Variants in SEC62 observed in about 807,000 individuals in gnomAD.
The protein encoded by SEC62 is SEC62 preprotein translocation factor.
SEC62 carries 10 observed loss-of-function variants against 47.5 expected under a neutral mutation model. The observed-to-expected ratio is 0.21, with a 90% CI of 0.13 to 0.36. SEC62 has a LOEUF of 0.36. Among genes scored for constraint, SEC62 ranks in the 10% least tolerant of loss-of-function variants. The pLI, the probability that SEC62 is intolerant of heterozygous loss-of-function variation, is 1.00. For synonymous variants in SEC62, 136 were observed against 150.5 expected, an observed-to-expected ratio of 0.90 and a Z score of 0.71; for missense variants, 327 against 464.1, an observed-to-expected ratio of 0.70 and a Z score of 2.71.
In SEC62 at chr3:169,992,855, G is replaced by C; in HGVS notation, c.992G>C (p.Gly331Ala). ...GGGAAAGTAGGACCAGGAAATCATG[G>C]AACAGAAGGCTCGGGGGGAGAACGG... is the stretch of plus-strand genomic sequence containing the variant. ...EEGKVGPGNH[G>A]TEGSGGERHS... The change falls in exon 8 of 8, where the codon GGA (glycine) becomes GCA (alanine). Residue 331 changes from glycine to alanine, a missense_variant. Coordinates refer to ENST00000337002, the MANE Select transcript of SEC62 (RefSeq NM_003262.4). The surrounding 1 kb of genome is among the most constrained non-coding windows in gnomAD (Gnocchi z 4.0). 6.2e-7 allele frequency: 1 copy of C among 1,614,086 alleles called. No individual in the cohort carries two copies. The highest frequency in any genetic ancestry group is 8.5e-7 in the Non-Finnish European group (1 of 1,180,012).
At chr3:169,971,046 A>G (rs929960081) in intron 1 of SEC62, among the ~76,000 whole-genome samples, 1 of 149,528 alleles carries the variant, frequency 6.7e-6, no homozygotes, top group Non-Finnish European at 1.5e-5. Flanking sequence ...AATCCCAACT[A>G]TCTGTTCATG....
chr3:169,987,400 C>CA, intron 6 of SEC62, among the ~76,000 whole-genome samples: 1 of 152,160 alleles, frequency 6.6e-6, no homozygotes, highest in South Asian at 2.1e-4. Flanking sequence ...GCCTGGGTGA[C>CA]AGAGTAAGAC....
intron 3 of SEC62, among the ~76,000 whole-genome samples, chr3:169,981,256 A>G (rs1207868503): frequency 6.6e-6 from 1 of 152,250 alleles, no homozygotes; most frequent in East Asian, 1.9e-4. Context: ...AATAAGTAGT[A>G]TGGGCCAAAT....
intron 3 of SEC62, among the ~76,000 whole-genome samples, chr3:169,980,190 A>T (rs2108283628): frequency 6.6e-6 from 1 of 152,288 alleles, no homozygotes; most frequent in Non-Finnish European, 1.5e-5. Flanking sequence ...GAAGAGAGAG[A>T]TGGTGAAACT....
chr3:169,981,207 G>A (rs1049147794), intron 3 of SEC62, among the ~76,000 whole-genome samples: 1 of 152,136 alleles, frequency 6.6e-6, no homozygotes, highest in African/African-American at 2.4e-5. Flanking sequence ...ACAATTATAT[G>A]CACAATCATA....
In SEC62 at chr3:169,988,281, G is replaced by A; in HGVS notation, c.652G>A (p.Ala218Thr). ...GGCCACCCTCTTCCCCCTTTGGCCA[G>A]CAGAAATGAGAGTAGGTGTTTATTA... ...IAATLFPLWP[A>T]EMRVGVYYLS... Residue 218 changes from alanine to threonine, a missense_variant, in exon 7 of 8, where the codon GCA (alanine) becomes ACA (threonine). By Grantham distance (58) the Ala-to-Thr change is moderately conservative (BLOSUM62 0). This residue lies in a region of SEC62 where 99 missense variants were observed against 194.0 expected (regional missense o/e 0.51). Transcript: ENST00000337002. 2 of 1,613,984 alleles carry A rather than the reference G, an allele frequency of 1.2e-6. No homozygotes were observed. Among genetic ancestry groups the A allele is most frequent in the South Asian group, 2.2e-5 (2 of 91,074 alleles).
chr3:169,978,649 C>T (rs1447924275), intron 3 of SEC62: 2 of 152,194 alleles, frequency 1.3e-5, no homozygotes, highest in South Asian at 2.1e-4. Flanking sequence ...TAGCTTCAGC[C>T]CGGGAGGTGG....
At chr3:169,990,050 GAT>G (rs1715207580) in intron 7 of SEC62, among the ~76,000 whole-genome samples, 1 of 146,888 alleles carries the variant, frequency 6.8e-6, no homozygotes, top group Non-Finnish European at 1.5e-5. Flanking sequence ...TATATCATAT[GAT>G]ATGTCATATA....
intron 7 of SEC62, among the ~76,000 whole-genome samples, chr3:169,990,828 A>C (rs962439327): frequency 2.0e-5 from 3 of 152,238 alleles, no homozygotes; most frequent in African/African-American, 7.2e-5. Flanking sequence ...CTATTTTTAA[A>C]AGTCAAGACA....
Position 169,995,152 on chromosome 3 carries a change from G to A in SEC62, c.*2089G>A, listed in dbSNP as rs1265198791. 6.6e-6 allele frequency: 1 copy of A among 152,158 alleles called. No homozygotes were observed. Among genetic ancestry groups the A allele is most frequent in the African/African-American group, 2.4e-5 (1 of 41,442 alleles). The allele number at this position is 152,158 out of a possible 1,614,324, so 9.4% of individuals were successfully genotyped here. A position where few individuals can be genotyped will look rare whatever the true frequency, so the allele number is the denominator to read the frequency against. The stretch of plus-strand genomic sequence containing the variant: ...GCTAACATTAAATATTCTTGTACCA[G>A]AGCATGGAAAATCGTTTATAATTGT... On this transcript the variant is annotated 3_prime_UTR_variant, in exon 8 of 8. Coordinates refer to ENST00000337002, the MANE Select transcript of SEC62 (RefSeq NM_003262.4).
chr3:169,995,279 A>G lies in SEC62; in HGVS notation c.*2216A>G, dbSNP rs1286542350. The G allele has an allele frequency of 6.6e-6, 1 of 152,190 alleles. No individual in the cohort carries two copies. The highest frequency in any genetic ancestry group is 1.5e-5 in the Non-Finnish European group (1 of 68,012). 9.4% of individuals were successfully genotyped at this position (152,190 alleles called of 1,614,324 possible). A position where few individuals can be genotyped will look rare whatever the true frequency, so the allele number is the denominator to read the frequency against. ...TCATGTAGGGCTTATTGTAGAGGGTATCAATTGGCCTAACTAAGCAGGATT... is the reference window on the plus strand; with the variant it reads ...TCATGTAGGGCTTATTGTAGAGGGTGTCAATTGGCCTAACTAAGCAGGATT... On this transcript the variant is annotated 3_prime_UTR_variant, in exon 8 of 8. Transcript: ENST00000337002.
At position 169,998,246 on chromosome 3, in the gene SEC62, G is replaced by T. The variant is rs928236082; in HGVS notation, c.*5183G>T. The T allele has an allele frequency of 6.6e-6, 1 of 152,044 alleles. No homozygotes were observed. Among genetic ancestry groups the T allele is most frequent in the African/African-American group, 2.4e-5 (1 of 41,390 alleles). The allele number at this position is 152,044 out of a possible 1,614,324, so 9.4% of individuals were successfully genotyped here. On this transcript the variant is annotated 3_prime_UTR_variant, in exon 8 of 8. Coordinates refer to ENST00000337002, the MANE Select transcript of SEC62 (RefSeq NM_003262.4). ...CTTATTCAAAGGCCAATGATACTTC[G>T]CATAATTCAATTTTAATATTATTCA...
At chr3:169,978,228 G>A (rs528099716) in intron 3 of SEC62, among the ~76,000 whole-genome samples, 7 of 152,094 alleles carry the variant, frequency 4.6e-5, no homozygotes, top group Non-Finnish European at 8.8e-5. Flanking sequence ...GCAGTGAGCC[G>A]AGGTTGCGCC....
At chr3:169,971,086 A>T (rs1170549464) in intron 1 of SEC62, among the ~76,000 whole-genome samples, 12 of 142,658 alleles carry the variant, frequency 8.4e-5, no homozygotes, top group South Asian at 2.2e-4. Flanking sequence ...TTTTTTTTTT[A>T]AAGAGACAAG....
At chr3:169,967,669 C>T (rs905401655) in intron 1 of SEC62, among the ~76,000 whole-genome samples, 2 of 152,084 alleles carry the variant, frequency 1.3e-5, no homozygotes, top group African/African-American at 2.4e-5. Context: ...TGTTCTTTGC[C>T]AAGAGGATTA....
At chr3:169,967,586 G>C (rs9813592) in intron 1 of SEC62, among the ~76,000 whole-genome samples, 52,114 of 151,998 alleles carry the variant, frequency 0.34, 10,922 homozygotes, top group African/African-American at 0.59. Flanking sequence ...TCGTAGTAAC[G>C]TACATAACAT....
chr3:169,967,225 C>T (rs1317922306), intron 1 of SEC62, among the ~76,000 whole-genome samples: 2 of 152,318 alleles, frequency 1.3e-5, no homozygotes, highest in Non-Finnish European at 2.9e-5. Context: ...CCCGGGGCTC[C>T]TCCCCTCCCT....
In SEC62 at chr3:169,966,888, T is replaced by A. The variant is rs2108277006; in HGVS notation, c.36+30T>A. 2.7e-6 allele frequency: 4 copies of A among 1,500,890 alleles called. No individual in the cohort carries two copies. The East Asian group carries it at 1.1e-4, about 41-fold the overall frequency. 93.0% of individuals were successfully genotyped at this position (1,500,890 alleles called of 1,614,324 possible). Reference sequence around the variant, plus strand: ...CAAAGCCGAGCTCTGGGCAGGGGGCTTCGGCGCGCTGGATAGTGGAAGGGG... The same window carrying A: ...CAAAGCCGAGCTCTGGGCAGGGGGCATCGGCGCGCTGGATAGTGGAAGGGG... On this transcript the variant is annotated intron_variant, in intron 1 of 7. Transcript: ENST00000337002.
At chr3:169,988,150 G>T in intron 6 of SEC62, 90 bp from the exon 7 acceptor site, 2 of 1,456,766 alleles carry the variant, frequency 1.4e-6, no homozygotes, top group Non-Finnish European at 1.9e-6. Flanking sequence ...ATGTTTCTCA[G>T]TTTTTCCCCC....
Sources: gnomAD v4.1 joint callset for allele counts (sites outside exome capture counted in the v4.1 genomes callset) on GRCh38, gnomAD v4.1.1 for gene constraint, gnomAD v4.1.1 regional missense constraint, Gnocchi (gnomAD v3.1) non-coding constraint, MANE v1.5 for transcripts, NCBI Gene and HGNC (gene_info 2026-07-23, HGNC 2026-07-21) for gene names.